Variants in SMCHD1 observed in about 807,000 individuals in gnomAD.
The protein encoded by SMCHD1 is structural maintenance of chromosomes flexible hinge domain containing 1.
Under a neutral mutation model 254.7 loss-of-function variants are expected in SMCHD1, and 78 were observed. That is an observed-to-expected ratio of 0.31 (90% confidence interval 0.26 to 0.37). The LOEUF (loss-of-function observed/expected upper bound fraction) is 0.37, where lower values mean the gene tolerates loss of function less well. Ranked by LOEUF, SMCHD1 falls within the 10% of genes least tolerant of loss-of-function variation. SMCHD1 has a pLI of 1.00. For missense variants in SMCHD1, 1,840 were observed against 2,408.1 expected (o/e 0.76, Z 4.94); for synonymous variants, 766 against 794.9 (o/e 0.96, Z 0.61).
intron 32 of SMCHD1, among the ~76,000 whole-genome samples, chr18:2,751,068 G>A (rs975008641): frequency 1.3e-5 from 2 of 152,014 alleles, no homozygotes; most frequent in Non-Finnish European, 1.5e-5. Context: ...TGACCAATTG[G>A]CCTAACTCTT....
At chr18:2,722,720 T>G (rs1209725046) in intron 20 of SMCHD1, 57 bp downstream of exon 20, 16 of 1,453,504 alleles carry the variant, frequency 1.1e-5, no homozygotes, top group East Asian at 2.4e-5. Flanking sequence ...CATTTACTCT[T>G]TTTTTCAGCT....
rs1555646670 is a variant in SMCHD1, at chr18:2,748,380, GTGTATA to G, written c.3927+735_3927+740del. ...TGTGTGTGTGTGTGTGTGTGTGTGT[GTGTATA>G]TAAATTTTTTTTTTTTTTTTTTTGG... On this transcript the variant is annotated intron_variant, in intron 30 of 47. Coordinates refer to ENST00000320876, the MANE Select transcript of SMCHD1 (RefSeq NM_015295.3). 2.0e-3 allele frequency among the ~76,000 whole-genome samples: 163 copies of G among 80,242 alleles called. 3 individuals carry two copies. The highest frequency in any genetic ancestry group is 0.012 in the East Asian group (29 of 2,370). The allele number at this position is 80,242 out of a possible 152,430, so 52.6% of individuals were successfully genotyped here.
chr18:2,707,808 T>A lies in SMCHD1; in HGVS notation c.2148T>A (p.Gly716=). The A allele has an allele frequency of 2.5e-6, 4 of 1,599,826 alleles. No individual in the cohort carries two copies. Among genetic ancestry groups the A allele is most frequent in the Non-Finnish European group, 3.4e-6 (4 of 1,173,892 alleles). Residue 716 remains glycine (G), a splice_region_variant and synonymous_variant, in exon 17 of 48, where the codon GGT becomes GGA. Coordinates refer to ENST00000320876, the MANE Select transcript of SMCHD1 (RefSeq NM_015295.3). ...NEVRPAGTPI[G]ALRIEILNKK... ...ATACTTTTAATTTTTGACTCATAGG[T>A]GCGTTAAGAATTGAAATACTGAATA... is the stretch of plus-strand genomic sequence containing the variant.
chr18:2,701,983 G>A (rs916270247), intron 12 of SMCHD1, among the ~76,000 whole-genome samples: 7 of 151,708 alleles, frequency 4.6e-5, no homozygotes, highest in African/African-American at 7.3e-5. Context: ...ATTATACACC[G>A]AGAAAGACCT....
At chr18:2,746,290 T>C (rs2075451947) in intron 29 of SMCHD1, among the ~76,000 whole-genome samples, 1 of 152,218 alleles carries the variant, frequency 6.6e-6, no homozygotes, top group African/African-American at 2.4e-5. Context: ...ATTTTGGAAA[T>C]TTGCTTTTTC....
rs376327246 is a variant in SMCHD1 at position 2,775,959 on chromosome 18, A to G, written c.5366+35A>G. 83 of 1,488,630 alleles carry G rather than the reference A, an allele frequency of 5.6e-5. No homozygotes were observed. In the African/African-American group the frequency reaches 1.1e-3, roughly 19 times the overall value. 92.2% of individuals were successfully genotyped at this position (1,488,630 alleles called of 1,614,324 possible). Reference sequence around the variant, plus strand: ...AAGTGAAAGTAATTTTTTTTCTGAAATATATTTTCTGTTTTTTATCAAAGC... The same window carrying G: ...AAGTGAAAGTAATTTTTTTTCTGAAGTATATTTTCTGTTTTTTATCAAAGC... On this transcript the variant is annotated intron_variant, in intron 42 of 47. Transcript: ENST00000320876.
intron 45 of SMCHD1, among the ~76,000 whole-genome samples, chr18:2,785,646 T>TC (rs1285980529): frequency 0.013 from 34 of 2,602 alleles, no homozygotes; most frequent in African/African-American, 0.033. Flanking sequence ...AGACTCTGTC[T>TC]CAAAAAAAAA....
chr18:2,725,039 T>G, intron 21 of SMCHD1, 44 bp downstream of exon 21: 1 of 1,126,452 alleles, frequency 8.9e-7, no homozygotes, highest in Non-Finnish European at 1.2e-6. Flanking sequence ...TAAGTATTTA[T>G]TTATCATATG....
intron 17 of SMCHD1, among the ~76,000 whole-genome samples, chr18:2,713,091 AG>A (rs1413112112): frequency 1.3e-5 from 2 of 152,162 alleles, no homozygotes; most frequent in African/African-American, 4.8e-5. Context: ...AGGCTTTGAG[AG>A]CTGTATGAGC....
intron 28 of SMCHD1, among the ~76,000 whole-genome samples, chr18:2,743,286 G>A (rs1169938704): frequency 2.0e-5 from 3 of 152,144 alleles, no homozygotes; most frequent in African/African-American, 7.2e-5. Context: ...ACATGCAATA[G>A]ATAAGAAATA....
At chr18:2,764,286 A>G (rs1428880020) in intron 37 of SMCHD1, among the ~76,000 whole-genome samples, 1 of 152,172 alleles carries the variant, frequency 6.6e-6, no homozygotes, top group Non-Finnish European at 1.5e-5. Flanking sequence ...TTCGGCATAT[A>G]CACTAATGCT....
chr18:2,795,979 G>T lies in SMCHD1; in HGVS notation c.5750G>T (p.Cys1917Phe). 6.3e-7 allele frequency: 1 copy of T among 1,596,992 alleles called. No homozygotes were observed. The highest frequency in any genetic ancestry group is 8.5e-7 in the Non-Finnish European group (1 of 1,171,458). Reference protein sequence around the residue: ...DLLQQYRSAVCKLDSVNKDLN... With the variant: ...DLLQQYRSAVFKLDSVNKDLN... ...CTTCAGCAGTATCGTTCTGCTGTGT[G>T]CAAACTAGACAGTGTGAATAAGGAT... is the stretch of plus-strand genomic sequence containing the variant. The change falls in exon 46 of 48, where the codon TGC becomes TTC. Residue 1917 changes from cysteine (C) to phenylalanine (F), a missense_variant. Transcript: ENST00000320876.
intron 44 of SMCHD1, among the ~76,000 whole-genome samples, chr18:2,782,454 A>G (rs2076170784): frequency 6.6e-6 from 1 of 152,158 alleles, no homozygotes; most frequent in Non-Finnish European, 1.5e-5. Context: ...TTAAGATCAT[A>G]TTAGGCTGAG....
At chr18:2,739,938 T>G (rs928494302) in intron 27 of SMCHD1, among the ~76,000 whole-genome samples, 42 of 152,060 alleles carry the variant, frequency 2.8e-4, no homozygotes, top group African/African-American at 9.9e-4. Context: ...TCTTTTTTTT[T>G]TTTTTAACAT....
chr18:2,672,084 C>G (rs942125949), intron 3 of SMCHD1, among the ~76,000 whole-genome samples: 4 of 152,138 alleles, frequency 2.6e-5, no homozygotes, highest in African/African-American at 9.7e-5. Flanking sequence ...GTCCCTTCTT[C>G]ATTTTCTGGA....
rs866428805 is a variant in SMCHD1 at position 2,785,025 on chromosome 18, A to G, written c.5719+404A>G. On this transcript the variant is annotated intron_variant, in intron 45 of 47. Transcript: ENST00000320876. ...TTACATAATCATAATACTTATTTCT[A>G]TCTTGAAATTTGTAACTATCTAGAA... is the stretch of plus-strand genomic sequence containing the variant. 18 of 316,422 alleles carry G rather than the reference A, an allele frequency of 5.7e-5. 1 individual carries two copies. The East Asian group carries it at 1.5e-3, about 27-fold the overall frequency. 19.6% of individuals were successfully genotyped at this position (316,422 alleles called of 1,614,324 possible).
intron 20 of SMCHD1, among the ~76,000 whole-genome samples, chr18:2,723,882 A>G (rs1020239332): frequency 1.3e-4 from 20 of 151,808 alleles, no homozygotes; most frequent in Non-Finnish European, 2.6e-4. Flanking sequence ...GATGGTAGAG[A>G]TTGGTTTCTA....
At chr18:2,801,907 A>G (rs2076369463) in intron 47 of SMCHD1, among the ~76,000 whole-genome samples, 1 of 152,182 alleles carries the variant, frequency 6.6e-6, no homozygotes, top group African/African-American at 2.4e-5. Context: ...GATACTATGC[A>G]GTAGATTCCA....
Position 2,740,705 on chromosome 18 carries a change from A to G in SMCHD1, c.3517A>G (p.Ile1173Val), listed in dbSNP as rs1303346986. ...AATAAAACTTCCCCCTTTTTTAGTTATAATAATTACAGATCAGTACGGAAA... is the reference window on the plus strand; with the variant it reads ...AATAAAACTTCCCCCTTTTTTAGTTGTAATAATTACAGATCAGTACGGAAA... ...MGQELQGEVVIIITDQYGNQI... is the reference protein window; with the variant it reads ...MGQELQGEVVVIITDQYGNQI... Residue 1173 changes from isoleucine (I) to valine (V), a missense_variant and splice_region_variant, in exon 28 of 48, where the codon ATA becomes GTA. Transcript: ENST00000320876. 1.3e-6 allele frequency: 2 copies of G among 1,538,596 alleles called. No homozygotes were observed. Among genetic ancestry groups the G allele is most frequent in the Non-Finnish European group, 1.8e-6 (2 of 1,126,006 alleles).
Sources: allele counts gnomAD v4.1 joint callset (sites outside exome capture counted in the v4.1 genomes callset), GRCh38; gene constraint gnomAD v4.1.1; transcripts MANE v1.5; gene names NCBI Gene and HGNC (gene_info 2026-07-23, HGNC 2026-07-21).